The following SHE variants were observed in gnomAD, a reference collection of about 807,000 sequenced individuals.
SHE encodes SH2 domain-containing adapter protein E.
SHE carries 11 observed loss-of-function variants against 49.8 expected under a neutral mutation model. The observed-to-expected ratio is 0.22, with a 90% confidence interval of 0.14 to 0.37. The LOEUF (loss-of-function observed/expected upper bound fraction) is 0.37, where lower values mean the gene tolerates loss of function less well. Ranked by LOEUF, SHE falls within the 10% of genes least tolerant of loss-of-function variation. The probability of loss-of-function intolerance (pLI) is 1.00; values close to 1 mark genes in which losing one functional copy is unlikely to be tolerated. For synonymous variants in SHE, 310 were observed against 278.1 expected, an observed-to-expected ratio of 1.11 and a Z score of -1.14; for missense variants, 624 against 655.5, an observed-to-expected ratio of 0.95 and a Z score of 0.52.
At position 154,501,867 on chromosome 1, in the gene SHE, C is replaced by G. The variant is rs759775031; in HGVS notation, c.160G>C (p.Glu54Gln). Residue 54 changes from glutamate to glutamine, a missense_variant, in exon 1 of 6, where the codon GAG (glutamate) becomes CAG (glutamine). This residue lies in a region of SHE where 337 missense variants were observed against 306.0 expected (regional missense o/e 1.10). Coordinates refer to ENST00000304760, the MANE Select transcript of SHE (RefSeq NM_001010846.3). ...EFPLNLKTVSERAKPGGGGGK... is the reference protein window; with the variant it reads ...EFPLNLKTVSQRAKPGGGGGK... ...CCGCCGCCCCCGGGCTTGGCCCGCT[C>G]CGACACGGTCTTCAGGTTCAGGGGG... The G allele has an allele frequency of 6.5e-7, 1 of 1,535,568 alleles. No individual in the cohort carries two copies. The highest frequency in any genetic ancestry group is 1.2e-5 in the South Asian group (1 of 84,210).
intron 1 of SHE, among the ~76,000 whole-genome samples, chr1:154,472,430 G>T (rs1236574187): frequency 6.6e-6 from 1 of 152,202 alleles, no homozygotes; most frequent in African/African-American, 2.4e-5. Flanking sequence ...TCTGAGCTGG[G>T]CCCCTAGAAA....
Position 154,479,574 on chromosome 1 carries a change from G to A in SHE, c.*4575C>T. ...TATATTGGCTACTGCAAAACAACCA[G>A]AAGTTTTATAAAATATTTCTGATTT... is the stretch of plus-strand genomic sequence containing the variant. On this transcript the variant is annotated 3_prime_UTR_variant, in exon 6 of 6. Transcript: ENST00000304760. The A allele has an allele frequency of 1.0e-6, 1 of 979,488 alleles. No individual in the cohort carries two copies. The highest frequency in any genetic ancestry group is 1.2e-6 in the Non-Finnish European group (1 of 824,560). 60.7% of individuals were successfully genotyped at this position (979,488 alleles called of 1,614,324 possible). A position where few individuals can be genotyped will look rare whatever the true frequency, so the allele number is the denominator to read the frequency against.
At chr1:154,477,890 C>CAA (rs35912019), downstream of SHE, among the ~76,000 whole-genome samples, 6,829 of 104,136 alleles carry the variant, frequency 0.066, 282 homozygotes, top group Non-Finnish European at 0.096. Context: ...GACACTGTCT[C>CAA]AAAAAAAAAA....
At chr1:154,495,331 G>A (rs1425247688) in intron 2 of SHE, among the ~76,000 whole-genome samples, 1 of 152,198 alleles carries the variant, frequency 6.6e-6, no homozygotes, top group African/African-American at 2.4e-5. Context: ...ATGTTCCTGT[G>A]AATTTAGCAG....
chr1:154,498,263 TG>T (rs1251674938), intron 2 of SHE, among the ~76,000 whole-genome samples: 5 of 151,750 alleles, frequency 3.3e-5, no homozygotes, highest in African/African-American at 9.7e-5. Flanking sequence ...TGGCTAATTT[TG>T]TATTTTTTTT....
chr1:154,497,023 T>C (rs946487182), intron 2 of SHE, among the ~76,000 whole-genome samples: 7 of 152,246 alleles, frequency 4.6e-5, no homozygotes, highest in African/African-American at 1.7e-4. Context: ...TGATGTTTTT[T>C]AAAACTCTGA....
rs549629047 is a variant in SHE, at chr1:154,482,159, G to A, written c.*1990C>T. 27 of 223,196 alleles carry A rather than the reference G, an allele frequency of 1.2e-4. No homozygotes were observed. Among genetic ancestry groups the A allele is most frequent in the Middle Eastern group, 4.5e-3 (2 of 442 alleles). The allele number at this position is 223,196 out of a possible 1,614,324, so 13.8% of individuals were successfully genotyped here. On this transcript the variant is annotated 3_prime_UTR_variant, in exon 6 of 6. Transcript: ENST00000304760. ...CTCCCAAGCAGCTGGAACTACAGGTGCCCGCCACCGTGCCCAGCTAATTTT... is the reference window on the plus strand; with the variant it reads ...CTCCCAAGCAGCTGGAACTACAGGTACCCGCCACCGTGCCCAGCTAATTTT...
intron 1 of SHE, among the ~76,000 whole-genome samples, chr1:154,473,937 AG>A (rs1284000833): frequency 2.6e-5 from 4 of 152,334 alleles, no homozygotes; most frequent in Non-Finnish European, 5.9e-5. Context: ...GAGGCAACTG[AG>A]GCTTATATTG....
chr1:154,482,395 T>C lies in SHE; in HGVS notation c.*1754A>G. ...TTTTAAAATCAAAGATCACACAACC[T>C]TTTGGCTGAGATCTTATCTGAATAA... On this transcript the variant is annotated 3_prime_UTR_variant, in exon 6 of 6. Transcript: ENST00000304760. 1.0e-6 allele frequency: 1 copy of C among 985,352 alleles called. No homozygotes were observed. The highest frequency in any genetic ancestry group is 1.2e-6 in the Non-Finnish European group (1 of 829,894). 61.0% of individuals were successfully genotyped at this position (985,352 alleles called of 1,614,324 possible).
intron 2 of SHE, among the ~76,000 whole-genome samples, chr1:154,498,304 C>T (rs1411745298): frequency 1.3e-5 from 2 of 151,812 alleles, no homozygotes; most frequent in Non-Finnish European, 1.5e-5. Flanking sequence ...CCATGTTGGT[C>T]AGGCTGGTCT....
At chr1:154,500,371 T>A (rs370297428) in intron 1 of SHE, among the ~76,000 whole-genome samples, 110 of 152,164 alleles carry the variant, frequency 7.2e-4, no homozygotes, top group African/African-American at 2.6e-3. Flanking sequence ...AGCTCTCCAC[T>A]CAGTGCCTGG....
chr1:154,480,451 C>A lies in SHE; in HGVS notation c.*3698G>T, dbSNP rs1372304014. On this transcript the variant is annotated 3_prime_UTR_variant, in exon 6 of 6. Transcript: ENST00000304760. ...AATATCAAGATGCATCCAGTAACAA[C>A]AGCCAATAACAGACTAGTAACAGAG... 1.0e-6 allele frequency: 1 copy of A among 985,318 alleles called. No homozygotes were observed. Among genetic ancestry groups the A allele is most frequent in the South Asian group, 4.7e-5 (1 of 21,296 alleles). 61.0% of individuals were successfully genotyped at this position (985,318 alleles called of 1,614,324 possible).
intron 2 of SHE, among the ~76,000 whole-genome samples, chr1:154,494,898 GA>G (rs1163548842): frequency 1.3e-5 from 2 of 152,010 alleles, no homozygotes; most frequent in African/African-American, 2.4e-5. Context: ...CTAAAAATAC[GA>G]AAATTAGCCA....
intron 2 of SHE, among the ~76,000 whole-genome samples, chr1:154,489,598 C>A (rs1207805878): frequency 1.3e-5 from 2 of 152,206 alleles, no homozygotes; most frequent in African/African-American, 4.8e-5. Flanking sequence ...ATAATGGGAT[C>A]CACATTTAAG....
At position 154,481,641 on chromosome 1, in the gene SHE, A is replaced by G. The variant is rs1692020175; in HGVS notation, c.*2508T>C. 2 of 983,416 alleles carry G rather than the reference A, an allele frequency of 2.0e-6. No homozygotes were observed. Among genetic ancestry groups the G allele is most frequent in the Admixed American group, 6.1e-5 (1 of 16,274 alleles). 60.9% of individuals were successfully genotyped at this position (983,416 alleles called of 1,614,324 possible). On this transcript the variant is annotated 3_prime_UTR_variant, in exon 6 of 6. Transcript: ENST00000304760. ...AGAATAACTGCTGTATTCCCTTTGT[A>G]GAATAAGGTTAAGTAAAAACGTTTC... is the stretch of plus-strand genomic sequence containing the variant.
downstream of SHE, among the ~76,000 whole-genome samples, chr1:154,475,439 G>C (rs1250721372): frequency 6.6e-6 from 1 of 152,198 alleles, no homozygotes; most frequent in Non-Finnish European, 1.5e-5. Flanking sequence ...CACCTGCCTC[G>C]GCCTCCCGAA....
rs1692797294 is a variant in SHE, at chr1:154,502,032, G to GT, written c.-7dup. On this transcript the variant is annotated 5_prime_UTR_variant, in exon 1 of 6. Transcript: ENST00000304760. ...GGGGTCGGGGACCACTGCATTCCCCGTGACTGGGGCGCTGGAGGCCGCGGC... is the reference window on the plus strand; with the variant it reads ...GGGGTCGGGGACCACTGCATTCCCCGTTGACTGGGGCGCTGGAGGCCGCGGC... 7.6e-7 allele frequency: 1 copy of GT among 1,310,522 alleles called. No individual in the cohort carries two copies. The highest frequency in any genetic ancestry group is 9.7e-7 in the Non-Finnish European group (1 of 1,035,018). The allele number at this position is 1,310,522 out of a possible 1,614,324, so 81.2% of individuals were successfully genotyped here.
At chr1:154,469,857 G>A (rs2149284691) in exon 2 of SHE, 1 of 158,684 alleles carries the variant, frequency 6.3e-6, no homozygotes, top group East Asian at 1.9e-4. Flanking sequence ...TCATCAGATA[G>A]ACCAAATCCA....
chr1:154,485,799 G>T, intron 5 of SHE, 144 bp downstream of exon 5: 1 of 931,544 alleles, frequency 1.1e-6, no homozygotes, highest in Non-Finnish European at 1.6e-6. Flanking sequence ...AGTGTCTCAT[G>T]TTCCATTGTC....
Sources: gnomAD v4.1 joint callset for allele counts (sites outside exome capture counted in the v4.1 genomes callset) on GRCh38, gnomAD v4.1.1 for gene constraint, gnomAD v4.1.1 regional missense constraint, MANE v1.5 for transcripts, NCBI Gene and HGNC (gene_info 2026-07-23, HGNC 2026-07-21) for gene names.